CMYA5: variants seen among roughly 807,000 people sequenced by gnomAD.
CMYA5 encodes the protein cardiomyopathy associated 5, also known as cardiomyopathy-associated protein 5.
Under a neutral mutation model 318.9 loss-of-function variants are expected in CMYA5, and 246 were observed. The observed-to-expected ratio is 0.77, with a 90% confidence interval of 0.70 to 0.86. CMYA5 has a LOEUF of 0.86. Ranked by LOEUF, CMYA5 falls within the 40% of genes least tolerant of loss-of-function variation. CMYA5 has a pLI of 0.00. For missense variants in CMYA5, 4,589 were observed against 4,678.2 expected (o/e 0.98, Z 0.56); for synonymous variants, 1,641 against 1,729.5 (o/e 0.95, Z 1.27).
intron 1 of CMYA5, among the ~76,000 whole-genome samples, chr5:79,725,911 A>C (rs1193804016): frequency 1.3e-5 from 2 of 152,172 alleles, no homozygotes; most frequent in African/African-American, 4.8e-5. Context: ...CTCATAAAAT[A>C]AAATAATAAA....
intron 5 of CMYA5, among the ~76,000 whole-genome samples, chr5:79,750,505 C>CA (rs1187241677): frequency 7.3e-6 from 1 of 137,378 alleles, no homozygotes; most frequent in Non-Finnish European, 1.7e-5. Flanking sequence ...CCCTAAACCC[C>CA]ATCTTGCTCA....
chr5:79,729,550 G>T lies in CMYA5; in HGVS notation c.785G>T (p.Gly262Val), dbSNP rs1339764379. ...ATTAAAGAAATACATTATAGGAAAG[G>T]GAAAGATGCATCCATTAGTCTAGAG... is the stretch of plus-strand genomic sequence containing the variant. Reference protein sequence around the residue: ...YVIKEIHYRKGKDASISLEPD... With the variant: ...YVIKEIHYRKVKDASISLEPD... Residue 262 changes from glycine (G) to valine (V), a missense_variant, in exon 2 of 13, where the codon GGG becomes GTG. Around this residue, in one of 3 missense-constraint regions of CMYA5, gnomAD observed 2,132 missense variants for 2,131.3 expected, o/e 1.00. Coordinates refer to ENST00000446378, the MANE Select transcript of CMYA5 (RefSeq NM_153610.5). 1 of 1,613,384 alleles carries T rather than the reference G, an allele frequency of 6.2e-7. No individual in the cohort carries two copies. Among genetic ancestry groups the T allele is most frequent in the Non-Finnish European group, 8.5e-7 (1 of 1,179,382 alleles).
At chr5:79,698,697 ATCAT>A (rs1827119228) in intron 1 of CMYA5, among the ~76,000 whole-genome samples, 1 of 152,216 alleles carries the variant, frequency 6.6e-6, no homozygotes, top group South Asian at 2.1e-4. Context: ...CCGTGGTCAC[ATCAT>A]TCATTATTTC....
In CMYA5 at chr5:79,763,131, G is replaced by T. The variant is rs80053679; in HGVS notation, c.11477G>T (p.Arg3826Leu). 15 of 1,600,054 alleles carry T rather than the reference G, an allele frequency of 9.4e-6. No individual in the cohort carries two copies. The highest frequency in any genetic ancestry group is 1.3e-5 in the Non-Finnish European group (15 of 1,173,838). Reference protein sequence around the residue: ...VCWNTATIRWRPTTPEATETY... With the variant: ...VCWNTATIRWLPTTPEATETY... The stretch of plus-strand genomic sequence containing the variant: ...TGGAACACAGCCACTATCCGATGGC[G>T]GCCCACCACCCCAGAGGCCACGGAG... The change falls in exon 9 of 13, where the codon CGG (arginine) becomes CTG (leucine). Residue 3826 changes from arginine to leucine, a missense_variant. By Grantham distance (102) the Arg-to-Leu change is moderately radical. Around this residue, in one of 3 missense-constraint regions of CMYA5, gnomAD observed 2,431 missense variants for 2,495.1 expected, o/e 0.97. Coordinates refer to ENST00000446378, the MANE Select transcript of CMYA5 (RefSeq NM_153610.5).
At position 79,728,928 on chromosome 5, in the gene CMYA5, G is replaced by C. The variant is rs772227804; in HGVS notation, c.163G>C (p.Asp55His). 6.4e-7 allele frequency: 1 copy of C among 1,571,962 alleles called. No homozygotes were observed. Among genetic ancestry groups the C allele is most frequent in the South Asian group, 1.2e-5 (1 of 82,386 alleles). Residue 55 changes from aspartate (D) to histidine (H), a missense_variant, in exon 2 of 13, where the codon GAT (aspartate) becomes CAT (histidine). Transcript: ENST00000446378. ...EEPDSRLSDQ[D>H]EEGKIKQEYI... ...TATTTGCTATAGGTTATCAGACCAGGATGAAGAGGGAAAGATCAAGCAGGA... is the reference window on the plus strand; with the variant it reads ...TATTTGCTATAGGTTATCAGACCAGCATGAAGAGGGAAAGATCAAGCAGGA...
intron 4 of CMYA5, 104 bp downstream of exon 4, chr5:79,745,559 T>A (rs1828306948): frequency 2.6e-6 from 2 of 770,856 alleles, no homozygotes; most frequent in Non-Finnish European, 4.3e-6. Flanking sequence ...TATATCTCTG[T>A]GTGGGATTTA....
At position 79,732,333 on chromosome 5, in the gene CMYA5, C is replaced by G. The variant is rs1229640305; in HGVS notation, c.3568C>G (p.Leu1190Val). 1.9e-6 allele frequency: 3 copies of G among 1,613,682 alleles called. No homozygotes were observed. Among genetic ancestry groups the G allele is most frequent in the Non-Finnish European group, 2.5e-6 (3 of 1,179,844 alleles). The change falls in exon 2 of 13, where the codon CTC (leucine) becomes GTC (valine). Residue 1190 changes from leucine to valine, a missense_variant. Transcript: ENST00000446378. ...IKKEQEPTAA[L>V]TLKAADEQMA... Reference sequence around the variant, plus strand: ...GAAAGAACAGGAACCCACAGCAGCACTCACTCTAAAAGCTGCAGATGAACA... The same window carrying G: ...GAAAGAACAGGAACCCACAGCAGCAGTCACTCTAAAAGCTGCAGATGAACA...
chr5:79,693,100 CCTT>C (rs1246380281), intron 1 of CMYA5, among the ~76,000 whole-genome samples: 5 of 152,194 alleles, frequency 3.3e-5, no homozygotes, highest in African/African-American at 1.2e-4. Context: ...GTTGGAGAAG[CCTT>C]CATCATTGGA....
chr5:79,756,602 A>G (rs1048363405), intron 6 of CMYA5, among the ~76,000 whole-genome samples: 2 of 152,326 alleles, frequency 1.3e-5, no homozygotes, highest in African/African-American at 2.4e-5. Flanking sequence ...ATTGAAGTCC[A>G]TGAACTTGAC....
chr5:79,736,337 T>G lies in CMYA5; in HGVS notation c.7572T>G (p.Asn2524Lys). The G allele has an allele frequency of 1.2e-6, 2 of 1,613,406 alleles. No homozygotes were observed. The highest frequency in any genetic ancestry group is 1.7e-6 in the Non-Finnish European group (2 of 1,179,704). ...PQHFYQNEDY[N>K]ERPKIIVGSE... ...ACTTCTATCAAAATGAAGACTACAA[T>G]GAAAGACCCAAAATCATTGTTGGTT... Residue 2524 changes from asparagine (N) to lysine (K), a missense_variant, in exon 2 of 13, where the codon AAT (asparagine) becomes AAG (lysine). Transcript: ENST00000446378.
At chr5:79,757,085 C>T (rs2151093636) in intron 6 of CMYA5, among the ~76,000 whole-genome samples, 1 of 151,200 alleles carries the variant, frequency 6.6e-6, no homozygotes, top group African/African-American at 2.4e-5. Context: ...ATCCCAGCTA[C>T]TAGGGAGGCT....
At position 79,735,308 on chromosome 5, in the gene CMYA5, G is replaced by A; in HGVS notation, c.6543G>A (p.Trp2181Ter). ...AAGGAATTTCATCTTTCAAATCGTG[G>A]ATGTCCAGCTTGTTTTTTGGATCGA... ...GKKGISSFKS[W>*]MSSLFFGSST... The change falls in exon 2 of 13, where the codon TGG becomes TGA. Residue 2181 changes from tryptophan (W) to a stop codon, truncating the protein, a stop_gained. Coordinates refer to ENST00000446378, the MANE Select transcript of CMYA5 (RefSeq NM_153610.5). LOFTEE classifies it high-confidence loss of function. 1.2e-6 allele frequency: 2 copies of A among 1,613,820 alleles called. No homozygotes were observed. The highest frequency in any genetic ancestry group is 1.7e-5 in the Admixed American group (1 of 59,990).
At chr5:79,746,362 G>A (rs1310748141) in intron 4 of CMYA5, among the ~76,000 whole-genome samples, 1 of 152,060 alleles carries the variant, frequency 6.6e-6, no homozygotes, top group Non-Finnish European at 1.5e-5. Context: ...AGTGGACATG[G>A]CCATTCTCAA....
intron 6 of CMYA5, among the ~76,000 whole-genome samples, chr5:79,754,585 A>G (rs1471730679): frequency 6.6e-6 from 1 of 152,158 alleles, no homozygotes; most frequent in Non-Finnish European, 1.5e-5. Flanking sequence ...GCTGAGAAAG[A>G]TGAGAGAAAC....
At chr5:79,701,542 A>C (rs1416811913) in intron 1 of CMYA5, among the ~76,000 whole-genome samples, 1 of 152,210 alleles carries the variant, frequency 6.6e-6, no homozygotes, top group Non-Finnish European at 1.5e-5. Flanking sequence ...ATACCACTTC[A>C]CACTTTCTAA....
intron 9 of CMYA5, among the ~76,000 whole-genome samples, chr5:79,765,473 C>G (rs1828732157): frequency 6.6e-6 from 1 of 152,198 alleles, no homozygotes; most frequent in Non-Finnish European, 1.5e-5. Context: ...GCTATGCAGG[C>G]TCTTTTTTGG....
chr5:79,755,325 C>T (rs149197849), intron 6 of CMYA5, among the ~76,000 whole-genome samples: 3 of 152,032 alleles, frequency 2.0e-5, no homozygotes, highest in South Asian at 2.1e-4. Context: ...CTCACTCTGT[C>T]GCCCAGGCTG....
intron 7 of CMYA5, among the ~76,000 whole-genome samples, chr5:79,760,146 C>T (rs571428792): frequency 6.7e-6 from 1 of 149,944 alleles, no homozygotes; most frequent in South Asian, 2.1e-4. Context: ...TATTTCATGG[C>T]TCTCTGAGAC....
Position 79,732,643 on chromosome 5 carries a change from C to G in CMYA5, c.3878C>G (p.Pro1293Arg). ...SPLKETSLSGPEALSAVKMEM... is the reference protein window; with the variant it reads ...SPLKETSLSGREALSAVKMEM... The stretch of plus-strand genomic sequence containing the variant: ...CTAAAGGAAACATCTTTATCTGGAC[C>G]TGAGGCTTTATCAGCAGTGAAAATG... The change falls in exon 2 of 13, where the codon CCT becomes CGT. Residue 1293 changes from proline to arginine, a missense_variant. Around this residue, in one of 3 missense-constraint regions of CMYA5, gnomAD observed 2,132 missense variants for 2,131.3 expected, o/e 1.00. Transcript: ENST00000446378. The G allele has an allele frequency of 6.2e-7, 1 of 1,613,488 alleles. No homozygotes were observed. The highest frequency in any genetic ancestry group is 1.7e-5 in the Admixed American group (1 of 59,904).
Sources: allele counts gnomAD v4.1 joint callset (sites outside exome capture counted in the v4.1 genomes callset), GRCh38; gene constraint gnomAD v4.1.1; regional missense constraint gnomAD v4.1.1; transcripts MANE v1.5; gene names NCBI Gene and HGNC (gene_info 2026-07-23, HGNC 2026-07-21).